MAPRE2: variants seen among roughly 807,000 people sequenced by gnomAD.
The protein encoded by MAPRE2 is microtubule-associated protein RP/EB family member 2.
In MAPRE2, 13 loss-of-function variants were observed where a neutral mutation model predicts 43.2. The observed-to-expected ratio is 0.30, with a 90% CI of 0.20 to 0.48. MAPRE2 has a LOEUF of 0.48. Ranked by LOEUF, MAPRE2 falls within the 20% of genes least tolerant of loss-of-function variation. The probability of loss-of-function intolerance (pLI) is 0.99; values close to 1 mark genes in which losing one functional copy is unlikely to be tolerated. For missense variants in MAPRE2, 161 were observed against 400.2 expected (o/e 0.40, Z 5.10); for synonymous variants, 135 against 148.8 (o/e 0.91, Z 0.68).
intron 1 of MAPRE2, among the ~76,000 whole-genome samples, chr18:35,057,206 G>T (rs770353704): frequency 5.2e-4 from 79 of 152,072 alleles, no homozygotes; most frequent in Non-Finnish European, 1.1e-3. Context: ...GTAGAGATGG[G>T]GTTTCTCCAC....
At chr18:35,068,002 A>G (rs1373870942) in intron 1 of MAPRE2, among the ~76,000 whole-genome samples, 1 of 152,314 alleles carries the variant, frequency 6.6e-6, no homozygotes, top group East Asian at 1.9e-4. Context: ...GAGATTTTTC[A>G]GATCCTTACG....
chr18:35,044,151 A>C (rs1905502894), intron 1 of MAPRE2, among the ~76,000 whole-genome samples: 1 of 152,206 alleles, frequency 6.6e-6, no homozygotes, highest in African/African-American at 2.4e-5. Context: ...GTTCCCTGGC[A>C]AGATCAGAGG....
At chr18:35,084,473 AT>A (rs1907779791) in intron 2 of MAPRE2, among the ~76,000 whole-genome samples, 1 of 152,182 alleles carries the variant, frequency 6.6e-6, no homozygotes, top group African/African-American at 2.4e-5. Context: ...CAATCACATG[AT>A]TTGACAAGGC....
chr18:35,110,969 T>G (rs771380766), intron 4 of MAPRE2, among the ~76,000 whole-genome samples: 2 of 152,180 alleles, frequency 1.3e-5, no homozygotes, highest in Non-Finnish European at 2.9e-5. Context: ...TTATGCTTCC[T>G]GAGTCTGTGA....
At chr18:35,036,024 T>C (rs1253964915) in intron 2 of MAPRE2, among the ~76,000 whole-genome samples, 1 of 150,662 alleles carries the variant, frequency 6.6e-6, no homozygotes, top group Non-Finnish European at 1.5e-5. Flanking sequence ...TATTTACCAC[T>C]AGCATGTTCT....
intron 1 of MAPRE2, among the ~76,000 whole-genome samples, chr18:35,051,013 C>T (rs79423796): frequency 0.015 from 2,267 of 152,226 alleles, 24 homozygotes; most frequent in Admixed American, 0.022. Context: ...GTGGAACTTA[C>T]GAGCTGAATG....
chr18:35,126,937 A>T lies in MAPRE2; in HGVS notation c.611-11A>T, dbSNP rs576679851. 1 of 1,612,442 alleles carries T rather than the reference A, an allele frequency of 6.2e-7. No individual in the cohort carries two copies. The highest frequency in any genetic ancestry group is 1.1e-5 in the South Asian group (1 of 90,886). On this transcript the variant is annotated splice_polypyrimidine_tract_variant and intron_variant, in intron 4 of 6. Coordinates refer to ENST00000300249, the MANE Select transcript of MAPRE2 (RefSeq NM_014268.4). ...TTGCCAGTATTTATCATTTATTCTG[A>T]TTGCTTTCAGGTGCAGCTAAATCAA...
intron 1 of MAPRE2, among the ~76,000 whole-genome samples, chr18:34,994,884 C>A (rs12963012): frequency 6.6e-6 from 1 of 152,110 alleles, no homozygotes; most frequent in African/African-American, 2.4e-5. Context: ...GGGGATGATA[C>A]CCCAAGTCCC....
chr18:34,978,575 C>T lies in MAPRE2; in HGVS notation c.-70+1496C>T. 4 of 1,550,356 alleles carry T rather than the reference C, an allele frequency of 2.6e-6. No individual in the cohort carries two copies. The South Asian group carries it at 4.8e-5, about 18-fold the overall frequency. ...AAGAATGGCAACATTTCCCCTGCTTCTCCTGAACGCTAAATTTGGCCAAAT... is the reference window on the plus strand; with the variant it reads ...AAGAATGGCAACATTTCCCCTGCTTTTCCTGAACGCTAAATTTGGCCAAAT... On this transcript the variant is annotated intron_variant, in intron 1 of 7. Transcript: ENST00000413393.
At chr18:35,053,161 A>C (rs944053581) in intron 1 of MAPRE2, among the ~76,000 whole-genome samples, 3 of 152,174 alleles carry the variant, frequency 2.0e-5, no homozygotes, top group Non-Finnish European at 4.4e-5. Context: ...TGGGAGGCTG[A>C]GGTGGGTGGA....
In MAPRE2 at chr18:35,132,148, C is replaced by T. The variant is rs746759500; in HGVS notation, c.867C>T (p.Leu289=). ...AACACGGGCAGGAAAATGATGACCT[C>T]GTGCAGAGACTAATGGACATCCTGT... ...CQEHGQENDD[L]VQRLMDILYA... is the part of the protein sequence containing the mutation. The change falls in exon 6 of 7, where the codon CTC becomes CTT. Residue 289 remains leucine (L), a synonymous_variant. Coordinates refer to ENST00000300249, the MANE Select transcript of MAPRE2 (RefSeq NM_014268.4). 20 of 1,614,054 alleles carry T rather than the reference C, an allele frequency of 1.2e-5. No homozygotes were observed. Among genetic ancestry groups the T allele is most frequent in the Admixed American group, 1.0e-4 (6 of 60,002 alleles).
chr18:35,136,791 C>T (rs1024762560), intron 6 of MAPRE2, among the ~76,000 whole-genome samples: 1 of 152,120 alleles, frequency 6.6e-6, no homozygotes, highest in Non-Finnish European at 1.5e-5. Context: ...GGCCTAGAGC[C>T]TTCTTCAATA....
intron 1 of MAPRE2, among the ~76,000 whole-genome samples, chr18:35,052,534 C>G (rs1188640494): frequency 6.6e-6 from 1 of 152,134 alleles, no homozygotes; most frequent in Non-Finnish European, 1.5e-5. Context: ...TATTGTTATA[C>G]AAGTCTTTGT....
chr18:35,137,794 A>T (rs902309434), intron 6 of MAPRE2, among the ~76,000 whole-genome samples: 3 of 152,090 alleles, frequency 2.0e-5, no homozygotes, highest in Non-Finnish European at 2.9e-5. Context: ...GAAACTGAGG[A>T]TAGGAAGCTT....
intron 5 of MAPRE2, among the ~76,000 whole-genome samples, chr18:35,130,618 A>C (rs1311546866): frequency 6.6e-6 from 1 of 152,158 alleles, no homozygotes; most frequent in Admixed American, 6.5e-5. Flanking sequence ...TTGAAATTCT[A>C]TTAGGGGTGA....
intron 2 of MAPRE2, among the ~76,000 whole-genome samples, chr18:35,032,689 G>C (rs2097048408): frequency 6.6e-6 from 1 of 151,546 alleles, no homozygotes; most frequent in Non-Finnish European, 1.5e-5. Flanking sequence ...TTTTTGTTTT[G>C]TTTTTTTGTT....
chr18:35,112,204 A>C lies in MAPRE2; in HGVS notation c.610+10045A>C, dbSNP rs1290039705. 2.2e-5 allele frequency among the ~76,000 whole-genome samples: 3 copies of C among 137,382 alleles called. No homozygotes were observed. The East Asian group carries it at 6.2e-4, about 28-fold the overall frequency. 90.1% of individuals were successfully genotyped at this position (137,382 alleles called of 152,430 possible). A position where few individuals can be genotyped will look rare whatever the true frequency, so the allele number is the denominator to read the frequency against. On this transcript the variant is annotated intron_variant, in intron 4 of 6. Coordinates refer to ENST00000300249, the MANE Select transcript of MAPRE2 (RefSeq NM_014268.4). Reference sequence around the variant, plus strand: ...CCTTCCTTTTTTTTTTTTTTTATGGACGGAGTTTCACTGTTATTGCCCAGG... The same window carrying C: ...CCTTCCTTTTTTTTTTTTTTTATGGCCGGAGTTTCACTGTTATTGCCCAGG...
intron 4 of MAPRE2, among the ~76,000 whole-genome samples, chr18:35,124,309 A>G (rs902140893): frequency 2.0e-5 from 3 of 152,160 alleles, no homozygotes; most frequent in Non-Finnish European, 4.4e-5. Flanking sequence ...AACTCACTCA[A>G]TATCACAAGA....
At chr18:35,067,800 C>T (rs1416400617) in intron 1 of MAPRE2, among the ~76,000 whole-genome samples, 1 of 152,064 alleles carries the variant, frequency 6.6e-6, no homozygotes, top group African/African-American at 2.4e-5. Context: ...GAATTATTTA[C>T]CCTTACTAAG....
Sources: gnomAD v4.1 joint callset for allele counts (sites outside exome capture counted in the v4.1 genomes callset) on GRCh38, gnomAD v4.1.1 for gene constraint, MANE v1.5 for transcripts, NCBI Gene and HGNC (gene_info 2026-07-23, HGNC 2026-07-21) for gene names.